The following FCHSD2 variants were observed in gnomAD, a reference collection of about 807,000 sequenced individuals.
FCHSD2 encodes F-BAR and double SH3 domains protein 2.
FCHSD2 carries 38 observed loss-of-function variants against 108.1 expected under a neutral mutation model. That is an observed-to-expected ratio of 0.35 (90% CI 0.27 to 0.46). FCHSD2 has a LOEUF of 0.46. FCHSD2 is among the 20% of genes least tolerant of loss of function. The pLI is 1.00. For missense variants in FCHSD2, 751 were observed against 897.8 expected (o/e 0.84, Z 2.09); for synonymous variants, 279 against 314.7 (o/e 0.89, Z 1.20).
chr11:73,009,229 C>T (rs925046504), intron 4 of FCHSD2, among the ~76,000 whole-genome samples: 4 of 152,130 alleles, frequency 2.6e-5, no homozygotes, highest in African/African-American at 9.7e-5. Context: ...GGTGTGGTGG[C>T]TCACGCCTGT....
At chr11:73,120,095 C>T (rs1311555861) in intron 2 of FCHSD2, among the ~76,000 whole-genome samples, 3 of 152,120 alleles carry the variant, frequency 2.0e-5, no homozygotes, top group Admixed American at 2.0e-4. Context: ...GACTTATTCA[C>T]TACCACCAAG....
At chr11:73,103,959 T>C (rs1158721713) in intron 2 of FCHSD2, among the ~76,000 whole-genome samples, 1 of 152,208 alleles carries the variant, frequency 6.6e-6, no homozygotes, top group Non-Finnish European at 1.5e-5. Context: ...ACAAGGTGCC[T>C]AACGTCCTAA....
chr11:72,891,942 A>C (rs191753262), intron 10 of FCHSD2, among the ~76,000 whole-genome samples: 207 of 152,330 alleles, frequency 1.4e-3, no homozygotes, highest in Non-Finnish European at 2.3e-3. Flanking sequence ...CTTGAAACAA[A>C]AATTTTCTTA....
At chr11:73,132,960 TGAATAGACATTTCTTCAAAGAAG>T (rs1423309292) in intron 2 of FCHSD2, among the ~76,000 whole-genome samples, 1 of 152,164 alleles carries the variant, frequency 6.6e-6, no homozygotes, top group African/African-American at 2.4e-5. Context: ...GCAAAGTACT[TGAATAGACATTTCTTCAAAGAAG>T]ATATACAAAT....
intron 8 of FCHSD2, among the ~76,000 whole-genome samples, chr11:72,931,965 T>C (rs1434757092): frequency 6.6e-6 from 1 of 152,234 alleles, no homozygotes; most frequent in South Asian, 2.1e-4. Context: ...GACCAGACAC[T>C]ACTTCCCTCC....
chr11:72,959,790 C>CTTG (rs1856787906), intron 8 of FCHSD2, among the ~76,000 whole-genome samples: 1 of 151,560 alleles, frequency 6.6e-6, no homozygotes, highest in African/African-American at 2.4e-5. Flanking sequence ...AGATCATGTA[C>CTTG]ATTATATGCT....
intron 12 of FCHSD2, among the ~76,000 whole-genome samples, chr11:72,882,298 C>T (rs960259916): frequency 2.6e-5 from 4 of 151,292 alleles, no homozygotes; most frequent in East Asian, 1.9e-4. Context: ...AAAAATTAGC[C>T]GGGCGTGGTG....
At chr11:72,986,908 TC>T (rs940337101) in intron 6 of FCHSD2, among the ~76,000 whole-genome samples, 1 of 152,158 alleles carries the variant, frequency 6.6e-6, no homozygotes, top group Non-Finnish European at 1.5e-5. Context: ...AAATTAATGT[TC>T]CTTGGGGTTC....
At chr11:72,848,719 TTGAA>T (rs926642605) in intron 14 of FCHSD2, among the ~76,000 whole-genome samples, 1 of 152,188 alleles carries the variant, frequency 6.6e-6, no homozygotes, top group Non-Finnish European at 1.5e-5. Context: ...AGAGGGAATG[TTGAA>T]TGAATGTGAA....
At chr11:72,914,981 T>TTTG (rs1233102044) in intron 9 of FCHSD2, among the ~76,000 whole-genome samples, 3 of 149,634 alleles carry the variant, frequency 2.0e-5, no homozygotes, top group African/African-American at 7.3e-5. Flanking sequence ...TTTTTTTTTT[T>TTTG]TTGCAAACTA....
chr11:72,988,024 T>C (rs1240626460), intron 6 of FCHSD2, among the ~76,000 whole-genome samples: 1 of 152,240 alleles, frequency 6.6e-6, no homozygotes, highest in Non-Finnish European at 1.5e-5. Flanking sequence ...TACCAGCCCT[T>C]GATAAACCGC....
At chr11:73,009,303 C>T (rs949344066) in intron 4 of FCHSD2, among the ~76,000 whole-genome samples, 4 of 151,992 alleles carry the variant, frequency 2.6e-5, no homozygotes, top group African/African-American at 9.7e-5. Context: ...TTGAGACCAG[C>T]CTGGCCAACA....
At chr11:72,994,713 C>T (rs1370394785) in intron 5 of FCHSD2, among the ~76,000 whole-genome samples, 1 of 151,926 alleles carries the variant, frequency 6.6e-6, no homozygotes, top group Non-Finnish European at 1.5e-5. Context: ...TTGCAGTGAG[C>T]CGAGATCATG....
At chr11:72,965,724 C>A in intron 8 of FCHSD2, among the ~76,000 whole-genome samples, 1 of 152,218 alleles carries the variant, frequency 6.6e-6, no homozygotes, top group Non-Finnish European at 1.5e-5. Flanking sequence ...ACACCCCTCA[C>A]CCAAGATAAC....
At chr11:72,993,034 T>A (rs1857448287) in intron 5 of FCHSD2, among the ~76,000 whole-genome samples, 1 of 152,080 alleles carries the variant, frequency 6.6e-6, no homozygotes, top group Admixed American at 6.6e-5. Context: ...ATAACCAGAA[T>A]CTACAATGAA....
chr11:73,088,460 T>A (rs979591136), intron 2 of FCHSD2, among the ~76,000 whole-genome samples: 17 of 151,856 alleles, frequency 1.1e-4, no homozygotes, highest in African/African-American at 4.1e-4. Context: ...TATACATACG[T>A]GTGTGTGTGT....
At chr11:72,990,168 T>TA (rs566079071) in intron 5 of FCHSD2, among the ~76,000 whole-genome samples, 2 of 152,138 alleles carry the variant, frequency 1.3e-5, no homozygotes, top group African/African-American at 4.8e-5. Flanking sequence ...AGGAAAAGGT[T>TA]AAAAAAACAC....
At position 72,865,213 on chromosome 11, in the gene FCHSD2, T is replaced by C. The variant is rs143355152; in HGVS notation, c.1308+2652A>G. On this transcript the variant is annotated intron_variant, in intron 13 of 19. Transcript: ENST00000409418. ...AATAATTTAGCCTCTAGAATGTGCA[T>C]TTCTGCTTCATGTTCCTCAGCCAGC... Among the ~76,000 whole-genome samples, 578 of 152,358 alleles carry C rather than the reference T, an allele frequency of 3.8e-3. 15 individuals are homozygous for C. The highest frequency in any genetic ancestry group is 8.8e-4 in the Non-Finnish European group (60 of 68,030).
intron 8 of FCHSD2, among the ~76,000 whole-genome samples, chr11:72,945,496 CTT>C (rs1196513498): frequency 6.6e-6 from 1 of 152,180 alleles, no homozygotes; most frequent in African/African-American, 2.4e-5. Flanking sequence ...TGGGCAAGGA[CTT>C]CATGTCTAAA....
Sources: gnomAD v4.1 joint callset for allele counts (sites outside exome capture counted in the v4.1 genomes callset) on GRCh38, gnomAD v4.1.1 for gene constraint, MANE v1.5 for transcripts, NCBI Gene and HGNC (gene_info 2026-07-23, HGNC 2026-07-21) for gene names.